WDR97: variants seen among roughly 807,000 people sequenced by gnomAD.
WDR97 encodes WD repeat domain 97.
A neutral mutation model predicts 65.4 loss-of-function variants in WDR97; 111 were observed. That is an observed-to-expected ratio of 1.70 (90% CI 1.45 to 1.99). The LOEUF is 1.99. WDR97 is among the 30% of genes most tolerant of loss of function. The pLI, the probability that WDR97 is intolerant of heterozygous loss-of-function variation, is 0.00. For synonymous variants in WDR97, 802 were observed against 397.7 expected, an observed-to-expected ratio of 2.02 and a Z score of -12.10; for missense variants, 1,674 against 865.0, an observed-to-expected ratio of 1.94 and a Z score of -11.73.
chr8:144,113,382 G>A (rs1054322858), intron 15 of WDR97, 58 bp from the exon 16 acceptor site: 3 of 608,398 alleles, frequency 4.9e-6, no homozygotes, highest in African/African-American at 5.6e-5. Flanking sequence ...GTGACCAAGG[G>A]TGGTGTCCAG....
intron 18 of WDR97, 56 bp downstream of exon 18, chr8:144,114,218 G>A (rs1289099118): frequency 1.4e-6 from 1 of 694,996 alleles, no homozygotes; most frequent in Non-Finnish European, 2.6e-6. Flanking sequence ...GGACAGGGGA[G>A]AAGGTAGGGG....
rs1836638633 is a variant in WDR97 at position 144,115,707 on chromosome 8, GGCCCCATCGAC to G, written c.4447_4457del (p.Pro1483AlafsTer6). On this transcript the variant is annotated frameshift_variant, in exon 22 of 24. Coordinates refer to ENST00000323662, the MANE Select transcript of WDR97 (RefSeq NM_001316309.2). LOFTEE classifies it high-confidence loss of function. ...GTCGCACTCGCAGCTGCTGGACTTG[GGCCCCATCGAC>G]GCGCTCAACTTCTTCTGTGAGCAGC... 1.4e-6 allele frequency: 1 copy of G among 701,390 alleles called. No individual in the cohort carries two copies. Among genetic ancestry groups the G allele is most frequent in the African/African-American group, 1.7e-5 (1 of 57,198 alleles). The allele number at this position is 701,390 out of a possible 1,614,324, so 43.4% of individuals were successfully genotyped here.
Position 144,112,496 on chromosome 8 carries a change from G to C in WDR97, c.3071G>C (p.Arg1024Thr). The C allele has an allele frequency of 1.4e-6, 1 of 702,626 alleles. No individual in the cohort carries two copies. Among genetic ancestry groups the C allele is most frequent in the Non-Finnish European group, 2.6e-6 (1 of 384,914 alleles). The allele number at this position is 702,626 out of a possible 1,614,324, so 43.5% of individuals were successfully genotyped here. ...RWDKEPLSSL[R>T]GFFPATVQPH... ...GACAAGGAACCTCTCTCTAGCCTCA[G>C]GGGCTTCTTTCCTGCCACCGTGCAG... The change falls in exon 15 of 24, where the codon AGG (arginine) becomes ACG (threonine). Residue 1024 changes from arginine to threonine, a missense_variant. Transcript: ENST00000323662.
In WDR97 at chr8:144,110,032, C is replaced by A; in HGVS notation, c.1698C>A (p.Asn566Lys). ...TGGCCTGCGCCTGGAAGAACAAGAA[C>A]CGGTGGGTGCGGGAGCCGGCGAGGG... ...SSVACAWKNKNRYLPVVGHTD... is the reference protein window; with the variant it reads ...SSVACAWKNKKRYLPVVGHTD... The change falls in exon 5 of 24, where the codon AAC becomes AAA. Residue 566 changes from asparagine to lysine, a missense_variant and splice_region_variant. Transcript: ENST00000323662. 1.4e-6 allele frequency: 1 copy of A among 696,156 alleles called. No homozygotes were observed. The highest frequency in any genetic ancestry group is 2.6e-6 in the Non-Finnish European group (1 of 380,338). 43.1% of individuals were successfully genotyped at this position (696,156 alleles called of 1,614,324 possible). A position where few individuals can be genotyped will look rare whatever the true frequency, so the allele number is the denominator to read the frequency against.
chr8:144,116,614 T>A lies in WDR97; in HGVS notation c.*321T>A. 1 of 257,872 alleles carries A rather than the reference T, an allele frequency of 3.9e-6. No homozygotes were observed. Among genetic ancestry groups the A allele is most frequent in the Non-Finnish European group, 7.3e-6 (1 of 136,954 alleles). The allele number at this position is 257,872 out of a possible 1,614,324, so 16.0% of individuals were successfully genotyped here. A position where few individuals can be genotyped will look rare whatever the true frequency, so the allele number is the denominator to read the frequency against. On this transcript the variant is annotated 3_prime_UTR_variant, in exon 24 of 24. Coordinates refer to ENST00000323662, the MANE Select transcript of WDR97 (RefSeq NM_001316309.2). Reference sequence around the variant, plus strand: ...CGTTTTCTGCTCAAGTACTAGGTGTTGAGATGCGGGCTGACCTTAGAGAAC... The same window carrying A: ...CGTTTTCTGCTCAAGTACTAGGTGTAGAGATGCGGGCTGACCTTAGAGAAC...
Position 144,114,442 on chromosome 8 carries a change from C to G in WDR97, c.3759C>G (p.His1253Gln). Residue 1253 changes from histidine (H) to glutamine (Q), a missense_variant, in exon 19 of 24, where the codon CAC becomes CAG. His to Gln is a conservative substitution (Grantham distance 24, BLOSUM62 0). Transcript: ENST00000323662. The part of the protein sequence containing the change: ...LQGQLQGLLV[H>Q]LLNLDQPPSL... ...GCCAGCTGCAGGGCCTGCTCGTACA[C>G]TTGCTCAACCTGGACCAGCCCCCCA... 1 of 702,830 alleles carries G rather than the reference C, an allele frequency of 1.4e-6. No homozygotes were observed. The highest frequency in any genetic ancestry group is 1.5e-5 in the South Asian group (1 of 67,602). The allele number at this position is 702,830 out of a possible 1,614,324, so 43.5% of individuals were successfully genotyped here. A position where few individuals can be genotyped will look rare whatever the true frequency, so the allele number is the denominator to read the frequency against.
rs181424522 is a variant in WDR97, at chr8:144,112,917, T to C, written c.3105+387T>C. The C allele has an allele frequency of 1.1e-3, 324 of 306,690 alleles. 2 individuals are homozygous for C. Among genetic ancestry groups the C allele is most frequent in the African/African-American group, 6.1e-3 (288 of 46,886 alleles). 19.0% of individuals were successfully genotyped at this position (306,690 alleles called of 1,614,324 possible). ...TTAGAGGAGCAAAGTCAAGGGAACC[T>C]GGCCCTTTAGAATCCACTGTCTTCC... On this transcript the variant is annotated intron_variant, in intron 15 of 23. Coordinates refer to ENST00000323662, the MANE Select transcript of WDR97 (RefSeq NM_001316309.2).
rs757059763 is a variant in WDR97, at chr8:144,110,053, GAGGGTCTGGCGGGCGGAAGGAGCGGC to G, written c.1700+26_1701-29del. 1.1e-5 allele frequency: 8 copies of G among 695,958 alleles called. No individual in the cohort carries two copies. In the South Asian group the frequency reaches 1.2e-4, roughly 10 times the overall value. 43.1% of individuals were successfully genotyped at this position (695,958 alleles called of 1,614,324 possible). ...AGAACCGGTGGGTGCGGGAGCCGGC[GAGGGTCTGGCGGGCGGAAGGAGCGGC>G]AGGGTCCGCGCCAACAGGCTCTTCC... On this transcript the variant is annotated intron_variant, in intron 5 of 23. Transcript: ENST00000323662.
rs148226166 is a variant in WDR97, at chr8:144,113,452, C to G, written c.3118C>G (p.Pro1040Ala). 1 of 702,294 alleles carries G rather than the reference C, an allele frequency of 1.4e-6. No individual in the cohort carries two copies. The highest frequency in any genetic ancestry group is 2.7e-5 in the East Asian group (1 of 37,300). 43.5% of individuals were successfully genotyped at this position (702,294 alleles called of 1,614,324 possible). ...TGCCCACCTCCAGCACTGCCTGAGG[C>G]CCATCTGCTTCCCCGGCTATGTGCC... is the stretch of plus-strand genomic sequence containing the variant. ...TVQPHKHCLR[P>A]ICFPGYVPNS... The change falls in exon 16 of 24, where the codon CCC becomes GCC. Residue 1040 changes from proline (P) to alanine (A), a missense_variant. Transcript: ENST00000323662.
Position 144,112,093 on chromosome 8 carries a change from C to T in WDR97, c.2844C>T (p.Val948=), listed in dbSNP as rs1472165644. 1.4e-6 allele frequency: 1 copy of T among 702,932 alleles called. No homozygotes were observed. The allele number at this position is 702,932 out of a possible 1,614,324, so 43.5% of individuals were successfully genotyped here. Residue 948 remains valine, a synonymous_variant, in exon 13 of 24, where the codon GTC becomes GTT. Transcript: ENST00000323662. ...LGQHFSQSPR[V]TVPIPPTHRR... ...AGCACTTCTCCCAGTCTCCCCGAGT[C>T]ACAGTGCCGATCCCACCCACCCACC...
chr8:144,110,741 T>C lies in WDR97; in HGVS notation c.2171+2T>C, dbSNP rs1467491266. 1.4e-6 allele frequency: 1 copy of C among 702,676 alleles called. No individual in the cohort carries two copies. Among genetic ancestry groups the C allele is most frequent in the African/African-American group, 1.7e-5 (1 of 57,268 alleles). The allele number at this position is 702,676 out of a possible 1,614,324, so 43.5% of individuals were successfully genotyped here. A position where few individuals can be genotyped will look rare whatever the true frequency, so the allele number is the denominator to read the frequency against. ...GACTGCTGAGAACCGCCTCCTGCGG[T>C]AGGCTAGGAGGTGGGGAGGGCTGGG... On this transcript the variant is annotated splice_donor_variant, in intron 8 of 23. Coordinates refer to ENST00000323662, the MANE Select transcript of WDR97 (RefSeq NM_001316309.2). LOFTEE classifies it high-confidence loss of function.
rs1466207666 is a variant in WDR97, at chr8:144,112,331, C to T, written c.3003C>T (p.Ser1001=). 3 of 702,616 alleles carry T rather than the reference C, an allele frequency of 4.3e-6. No homozygotes were observed. Among genetic ancestry groups the T allele is most frequent in the Non-Finnish European group, 7.8e-6 (3 of 384,932 alleles). 43.5% of individuals were successfully genotyped at this position (702,616 alleles called of 1,614,324 possible). ...GRTTMALDLP[S]SHLQCRIPLL... The stretch of plus-strand genomic sequence containing the variant: ...CGACCATGGCCCTGGACCTGCCATC[C>T]TCCCACTTGCAGTGCAGGGTGAGGG... Residue 1001 remains serine, a synonymous_variant, in exon 14 of 24, where the codon TCC becomes TCT. Transcript: ENST00000323662.
chr8:144,113,981 C>T lies in WDR97; in HGVS notation c.3413C>T (p.Ala1138Val), dbSNP rs1836599367. Residue 1138 changes from alanine to valine, a missense_variant, in exon 18 of 24, where the codon GCT becomes GTT. Coordinates refer to ENST00000323662, the MANE Select transcript of WDR97 (RefSeq NM_001316309.2). Reference protein sequence around the residue: ...LDSWELEDQSAVDWTQEPRRR... With the variant: ...LDSWELEDQSVVDWTQEPRRR... ...CAGCCACTGCTGCTCCCCTAGAGTG[C>T]TGTGGACTGGACCCAGGAGCCCCGG... is the stretch of plus-strand genomic sequence containing the variant. The T allele has an allele frequency of 5.7e-6, 4 of 702,506 alleles. No homozygotes were observed. The highest frequency in any genetic ancestry group is 1.0e-5 in the Non-Finnish European group (4 of 384,846). 43.5% of individuals were successfully genotyped at this position (702,506 alleles called of 1,614,324 possible). A position where few individuals can be genotyped will look rare whatever the true frequency, so the allele number is the denominator to read the frequency against.
At position 144,110,931 on chromosome 8, in the gene WDR97, G is replaced by T. The variant is rs1319031523; in HGVS notation, c.2239G>T (p.Ala747Ser). 5.7e-6 allele frequency: 4 copies of T among 702,674 alleles called. No homozygotes were observed. In the African/African-American group the frequency reaches 7.0e-5, roughly 12 times the overall value. The allele number at this position is 702,674 out of a possible 1,614,324, so 43.5% of individuals were successfully genotyped here. Residue 747 changes from alanine to serine, a missense_variant, in exon 9 of 24, where the codon GCG becomes TCG. By Grantham distance (99) the Ala-to-Ser change is moderately conservative. Coordinates refer to ENST00000323662, the MANE Select transcript of WDR97 (RefSeq NM_001316309.2). ...FCSNSGDLVL[A>S]LGSRLCLVSH... is the part of the protein sequence containing the mutation. ...CAGCAACAGTGGAGACCTGGTGCTGGCGCTGGGATCCCGCCTCTGCCTGGT... is the reference window on the plus strand; with the variant it reads ...CAGCAACAGTGGAGACCTGGTGCTGTCGCTGGGATCCCGCCTCTGCCTGGT...
chr8:144,110,061 G>C (rs1361897343), intron 5 of WDR97, 27 bp downstream of exon 5: 3 of 696,148 alleles, frequency 4.3e-6, no homozygotes, highest in East Asian at 5.4e-5. Flanking sequence ...GCGAGGGTCT[G>C]GCGGGCGGAA....
At position 144,108,691 on chromosome 8, in the gene WDR97, A is replaced by C; in HGVS notation, c.625A>C (p.Arg209=). 2.9e-6 allele frequency: 2 copies of C among 700,810 alleles called. No individual in the cohort carries two copies. The highest frequency in any genetic ancestry group is 5.2e-6 in the Non-Finnish European group (2 of 384,486). The allele number at this position is 700,810 out of a possible 1,614,324, so 43.4% of individuals were successfully genotyped here. The change falls in exon 3 of 24, where the codon AGG becomes CGG. Residue 209 remains arginine (R), a synonymous_variant. Transcript: ENST00000323662. ...PTCCLPVPDL[R]LLLVAEMNSS... ...CTGCTGCCTGCCGGTTCCCGACCTC[A>C]GGCTGCTGCTCGTTGCGGAGATGAA...
chr8:144,109,115 C>A lies in WDR97; in HGVS notation c.945C>A (p.Thr315=), dbSNP rs1275862728. ...TGGTGACAGCTTCCCGGGACAGCACCGTGAAGGTGTGGGAGGCTGACTGGC... is the reference window on the plus strand; with the variant it reads ...TGGTGACAGCTTCCCGGGACAGCACAGTGAAGGTGTGGGAGGCTGACTGGC... The part of the protein sequence containing the change: ...EAMVTASRDS[T]VKVWEADWQI... The change falls in exon 4 of 24, where the codon ACC becomes ACA. Residue 315 remains threonine, a synonymous_variant. Transcript: ENST00000323662. 1.4e-6 allele frequency: 1 copy of A among 703,046 alleles called. No homozygotes were observed. The highest frequency in any genetic ancestry group is 2.6e-6 in the Non-Finnish European group (1 of 385,030). 43.6% of individuals were successfully genotyped at this position (703,046 alleles called of 1,614,324 possible). A position where few individuals can be genotyped will look rare whatever the true frequency, so the allele number is the denominator to read the frequency against.
chr8:144,109,167 A>T lies in WDR97; in HGVS notation c.997A>T (p.Thr333Ser), dbSNP rs1415664172. 1.4e-6 allele frequency: 1 copy of T among 702,734 alleles called. No individual in the cohort carries two copies. Among genetic ancestry groups the T allele is most frequent in the Non-Finnish European group, 2.6e-6 (1 of 384,984 alleles). The allele number at this position is 702,734 out of a possible 1,614,324, so 43.5% of individuals were successfully genotyped here. A position where few individuals can be genotyped will look rare whatever the true frequency, so the allele number is the denominator to read the frequency against. Residue 333 changes from threonine to serine, a missense_variant, in exon 4 of 24, where the codon ACA (threonine) becomes TCA (serine). By Grantham distance (58) the Thr-to-Ser change is moderately conservative. Transcript: ENST00000323662. ...GATCCGGATGGTGTTCGTGGGCCAC[A>T]CAGGTGCTCTGAGTTCTCTGCACCC... ...WQIRMVFVGH[T>S]GPVTAMTVLP...
rs924319152 is a variant in WDR97 at position 144,107,826 on chromosome 8, G to A, written c.76G>A (p.Asp26Asn). Residue 26 changes from aspartate to asparagine, a missense_variant, in exon 1 of 24, where the codon GAT (aspartate) becomes AAT (asparagine). Coordinates refer to ENST00000323662, the MANE Select transcript of WDR97 (RefSeq NM_001316309.2). The part of the protein sequence containing the change: ...DSDLYDADGY[D>N]VPDPGLLTEK... ...GGACCTGTATGATGCGGATGGCTATGATGTCCCAGACCCTGGGCTGCTCAC... is the reference window on the plus strand; with the variant it reads ...GGACCTGTATGATGCGGATGGCTATAATGTCCCAGACCCTGGGCTGCTCAC... 4.7e-5 allele frequency: 33 copies of A among 702,744 alleles called. No homozygotes were observed. The highest frequency in any genetic ancestry group is 8.1e-5 in the Non-Finnish European group (31 of 385,016). The allele number at this position is 702,744 out of a possible 1,614,324, so 43.5% of individuals were successfully genotyped here.
Sources: allele counts gnomAD v4.1 joint callset, GRCh38; gene constraint gnomAD v4.1.1; transcripts MANE v1.5; gene names NCBI Gene and HGNC (gene_info 2026-07-23, HGNC 2026-07-21).